Variants in LRP2 observed in about 807,000 individuals in gnomAD.
The protein encoded by LRP2 is LDL receptor related protein 2.
In LRP2, 172 loss-of-function variants were observed where a neutral mutation model predicts 531.0. That is an observed-to-expected ratio of 0.32 (90% CI 0.29 to 0.37). LRP2 has a LOEUF of 0.37. Among genes scored for constraint, LRP2 ranks in the 10% least tolerant of loss-of-function variants. The probability of loss-of-function intolerance (pLI) is 1.00; values close to 1 mark genes in which losing one functional copy is unlikely to be tolerated. For synonymous variants in LRP2, 1,992 were observed against 2,027.6 expected (o/e 0.98, Z 0.47); for missense variants, 5,167 against 5,868.3 (o/e 0.88, Z 3.90).
intron 55 of LRP2, among the ~76,000 whole-genome samples, chr2:169,174,604 G>A (rs1687120544): frequency 6.6e-6 from 1 of 152,140 alleles, no homozygotes; most frequent in Admixed American, 6.6e-5. Context: ...CAACCTCCAG[G>A]ATCAAGCTAT....
chr2:169,171,550 G>C (rs1020203087), intron 58 of LRP2, among the ~76,000 whole-genome samples: 1 of 152,092 alleles, frequency 6.6e-6, no homozygotes, highest in Admixed American at 6.5e-5. Context: ...TTCTAGGAAG[G>C]GTAATAATGC....
intron 1 of LRP2, among the ~76,000 whole-genome samples, chr2:169,336,536 TCACACA>T (rs61573424): frequency 4.1e-5 from 6 of 145,998 alleles, no homozygotes; most frequent in African/African-American, 1.5e-4. Context: ...CAAGACTCCA[TCACACA>T]CACACACACA....
intron 48 of LRP2, 99 bp from the exon 49 acceptor site, chr2:169,188,364 C>A: frequency 8.9e-7 from 1 of 1,123,188 alleles, no homozygotes; most frequent in South Asian, 1.3e-5. Context: ...TACCTAAATG[C>A]CAGGTCAACC....
At chr2:169,296,708 GT>G (rs1559062722) in intron 4 of LRP2, among the ~76,000 whole-genome samples, 2 of 152,134 alleles carry the variant, frequency 1.3e-5, no homozygotes, top group Non-Finnish European at 2.9e-5. Context: ...TCTGGAATAA[GT>G]GTGCTGGATG....
intron 77 of LRP2, among the ~76,000 whole-genome samples, chr2:169,130,525 A>G (rs1024514483): frequency 6.6e-6 from 1 of 152,128 alleles, no homozygotes; most frequent in Non-Finnish European, 1.5e-5. Flanking sequence ...TGATGTCATG[A>G]TCCACCCACC....
chr2:169,215,838 T>A (rs535458359), intron 35 of LRP2, among the ~76,000 whole-genome samples: 139 of 149,012 alleles, frequency 9.3e-4, no homozygotes, highest in African/African-American at 3.2e-3. Flanking sequence ...TCTATATTTT[T>A]TATATATATA....
chr2:169,131,691 G>A (rs371846883), intron 77 of LRP2, among the ~76,000 whole-genome samples: 1 of 152,068 alleles, frequency 6.6e-6, no homozygotes, highest in Non-Finnish European at 1.5e-5. Flanking sequence ...TAGTGGACAG[G>A]GACCAGAAAT....
At chr2:169,264,430 G>T (rs1376919524) in intron 16 of LRP2, among the ~76,000 whole-genome samples, 1 of 151,834 alleles carries the variant, frequency 6.6e-6, no homozygotes, top group East Asian at 1.9e-4. Flanking sequence ...CTTTTCCTGA[G>T]AACTAAGCTC....
intron 26 of LRP2, among the ~76,000 whole-genome samples, chr2:169,238,734 C>A (rs994280919): frequency 1.3e-5 from 2 of 152,192 alleles, no homozygotes; most frequent in East Asian, 3.9e-4. Flanking sequence ...TCTCCCAACA[C>A]CCCCTCTCTT....
In LRP2 at chr2:169,137,143, T is replaced by C. The variant is rs114909936; in HGVS notation, c.13620+249A>G. 6.7e-3 allele frequency among the ~76,000 whole-genome samples: 1,027 copies of C among 152,266 alleles called. 2 individuals are homozygous for C. Among genetic ancestry groups the C allele is most frequent in the South Asian group, 0.017 (82 of 4,824 alleles). ...CTCTGACACCACTCAAAATGAAAGGTTCTTGGCCAGCAGCCCCGGCATGGC... is the reference window on the plus strand; with the variant it reads ...CTCTGACACCACTCAAAATGAAAGGCTCTTGGCCAGCAGCCCCGGCATGGC... On this transcript the variant is annotated intron_variant, in intron 76 of 78. Transcript: ENST00000649046.
chr2:169,138,521 A>G (rs1171016964), intron 75 of LRP2, 56 bp downstream of exon 75: 8 of 1,592,992 alleles, frequency 5.0e-6, no homozygotes, highest in Non-Finnish European at 6.0e-6. Context: ...TCTTTATAAA[A>G]AGTATTTATT....
rs756957422 is a variant in LRP2, at chr2:169,193,760, C to T, written c.8830+1G>A. On this transcript the variant is annotated splice_donor_variant, in intron 47 of 78. Coordinates refer to ENST00000649046, the MANE Select transcript of LRP2 (RefSeq NM_004525.3). LOFTEE classifies it high-confidence loss of function. ...CAGAGGAATTAATTGGCTTCACTTA[C>T]GACACTGGTGCCTTTTATCCTCGTC... 6 of 1,614,164 alleles carry T rather than the reference C, an allele frequency of 3.7e-6. No individual in the cohort carries two copies. Among genetic ancestry groups the T allele is most frequent in the Non-Finnish European group, 4.2e-6 (5 of 1,180,006 alleles).
Position 169,206,645 on chromosome 2 carries a change from C to T in LRP2, c.7075G>A (p.Ala2359Thr), listed in dbSNP as rs764568761. 2 of 1,614,130 alleles carry T rather than the reference C, an allele frequency of 1.2e-6. No individual in the cohort carries two copies. The highest frequency in any genetic ancestry group is 1.7e-6 in the Non-Finnish European group (2 of 1,180,018). ...NNGGCSHLCF[A>T]LPGLHTPKCD... The stretch of plus-strand genomic sequence containing the variant: ...TTTGGGGTGTGCAATCCAGGCAGAG[C>T]AAAGCAGAGATGAGAGCACCCACCA... Residue 2359 changes from alanine (A) to threonine (T), a missense_variant, in exon 39 of 79, where the codon GCT becomes ACT. Around this residue, in one of 6 missense-constraint regions of LRP2, gnomAD observed 2,811 missense variants for 3,058.0 expected, o/e 0.92. Coordinates refer to ENST00000649046, the MANE Select transcript of LRP2 (RefSeq NM_004525.3).
At chr2:169,214,132 A>G (rs967435289) in intron 35 of LRP2, among the ~76,000 whole-genome samples, 2 of 152,226 alleles carry the variant, frequency 1.3e-5, no homozygotes, top group East Asian at 3.9e-4. Flanking sequence ...CACGGTGAAG[A>G]AAAGGGAGCT....
chr2:169,195,087 T>C (rs1050779940), intron 46 of LRP2, among the ~76,000 whole-genome samples: 1 of 152,190 alleles, frequency 6.6e-6, no homozygotes, highest in African/African-American at 2.4e-5. Flanking sequence ...TAAGGATCTT[T>C]CCACATGTGC....
At chr2:169,303,547 C>G (rs1175955844) in intron 4 of LRP2, among the ~76,000 whole-genome samples, 2 of 152,190 alleles carry the variant, frequency 1.3e-5, no homozygotes, top group East Asian at 3.8e-4. Flanking sequence ...TGCAACCCAT[C>G]CCCTATACTA....
chr2:169,245,049 A>G, intron 21 of LRP2, 117 bp from the exon 22 acceptor site: 2 of 1,080,894 alleles, frequency 1.9e-6, no homozygotes, highest in Non-Finnish European at 2.8e-6. Context: ...TATAATAAGG[A>G]GAAATGTTCA....
chr2:169,157,644 G>A, intron 63 of LRP2, 142 bp from the exon 64 acceptor site: 1 of 837,258 alleles, frequency 1.2e-6, no homozygotes, highest in Non-Finnish European at 1.9e-6. Flanking sequence ...GAGGACAGAG[G>A]GCACTGGGGG....
chr2:169,238,683 T>C (rs763052171), intron 26 of LRP2, among the ~76,000 whole-genome samples: 17 of 152,160 alleles, frequency 1.1e-4, no homozygotes, highest in Non-Finnish European at 2.1e-4. Context: ...CTTAAATATT[T>C]CTGTTTTCTG....
Sources: allele counts gnomAD v4.1 joint callset (sites outside exome capture counted in the v4.1 genomes callset), GRCh38; gene constraint gnomAD v4.1.1; regional missense constraint gnomAD v4.1.1; transcripts MANE v1.5; gene names NCBI Gene and HGNC (gene_info 2026-07-23, HGNC 2026-07-21).